Variants in PEX14 observed in about 807,000 individuals in gnomAD.
PEX14 encodes the protein peroxisomal membrane protein PEX14.
Under a neutral mutation model 49.5 loss-of-function variants are expected in PEX14, and 15 were observed. That is an observed-to-expected ratio of 0.30 (90% CI 0.20 to 0.47). PEX14 has a LOEUF of 0.47. Ranked by LOEUF, PEX14 falls within the 20% of genes least tolerant of loss-of-function variation. The pLI is 1.00. For synonymous variants in PEX14, 210 were observed against 212.7 expected (o/e 0.99, Z 0.11); for missense variants, 398 against 494.8 (o/e 0.80, Z 1.86).
At chr1:10,535,939 T>C (rs1570227537) in intron 2 of PEX14, 1 of 436,338 alleles carries the variant, frequency 2.3e-6, no homozygotes, top group Non-Finnish European at 4.3e-6. Flanking sequence ...TCAGCTCGAA[T>C]GGAGATCAGG....
At chr1:10,522,274 C>A (rs955288304) in intron 2 of PEX14, among the ~76,000 whole-genome samples, 2 of 152,218 alleles carry the variant, frequency 1.3e-5, no homozygotes, top group Non-Finnish European at 2.9e-5. Flanking sequence ...AGCAGTCTAT[C>A]CTGATTCCTC....
intron 7 of PEX14, among the ~76,000 whole-genome samples, chr1:10,625,518 A>G (rs138480880): frequency 7.2e-5 from 11 of 152,350 alleles, no homozygotes; most frequent in African/African-American, 2.2e-4. Flanking sequence ...TCTCTTGTGA[A>G]GAGGGTCCCA....
intron 3 of PEX14, among the ~76,000 whole-genome samples, chr1:10,563,209 C>T (rs1639703347): frequency 6.6e-6 from 1 of 150,456 alleles, no homozygotes; most frequent in Non-Finnish European, 1.5e-5. Context: ...AGCCACGGCG[C>T]CTGGCCGCTG....
At chr1:10,480,387 C>CT (rs34544712) in intron 1 of PEX14, among the ~76,000 whole-genome samples, 25,577 of 86,494 alleles carry the variant, frequency 0.3, 4,645 homozygotes, top group Non-Finnish European at 0.34. Flanking sequence ...GCCTGGCTAA[C>CT]TTTTTTTTTT....
rs1641930033 is a variant in PEX14 at position 10,514,106 on chromosome 1, A to G, written c.84+18785A>G. ...CCAAAAAAGAAAAAAAGAAGAAAGA[A>G]AAGAAGGAAATAGAAAAAAAGGAAA... On this transcript the variant is annotated intron_variant, in intron 2 of 8. Coordinates refer to ENST00000356607, the MANE Select transcript of PEX14 (RefSeq NM_004565.3). The surrounding 1 kb of genome is among the most constrained non-coding windows in gnomAD (Gnocchi z 4.4). Among the ~76,000 whole-genome samples the G allele has an allele frequency of 7.0e-6, 1 of 142,134 alleles. No homozygotes were observed. Among genetic ancestry groups the G allele is most frequent in the Non-Finnish European group, 1.5e-5 (1 of 65,456 alleles). 93.2% of individuals were successfully genotyped at this position (142,134 alleles called of 152,430 possible).
At position 10,536,365 on chromosome 1, in the gene PEX14, C is replaced by T. The variant is rs115344694; in HGVS notation, c.169+68C>T. 3,676 of 973,670 alleles carry T rather than the reference C, an allele frequency of 3.8e-3. 78 individuals carry two copies. The African/African-American group carries it at 0.05, about 13-fold the overall frequency. 60.3% of individuals were successfully genotyped at this position (973,670 alleles called of 1,614,324 possible). ...CTGGGGCTGGGGCAGATGGAAGCCA[C>T]GGTGCAAGGCAGGTGCTGAGCTGCC... On this transcript the variant is annotated intron_variant, in intron 3 of 8. Coordinates refer to ENST00000356607, the MANE Select transcript of PEX14 (RefSeq NM_004565.3).
rs1641294250 is a variant in PEX14 at position 10,482,261 on chromosome 1, T to C, written c.36+7259T>C. Among the ~76,000 whole-genome samples, 5 of 151,876 alleles carry C rather than the reference T, an allele frequency of 3.3e-5. No individual in the cohort carries two copies. In the South Asian group the frequency reaches 1.0e-3, roughly 32 times the overall value. On this transcript the variant is annotated intron_variant, in intron 1 of 8. Coordinates refer to ENST00000356607, the MANE Select transcript of PEX14 (RefSeq NM_004565.3). ...CTTCTGCCTCAGCCTCCTGAGTAAC[T>C]GGGATTATAGGCACTGGCCACCATG... is the stretch of plus-strand genomic sequence containing the variant.
chr1:10,475,772 G>T (rs1233390266), intron 1 of PEX14, among the ~76,000 whole-genome samples: 1 of 152,204 alleles, frequency 6.6e-6, no homozygotes, highest in African/African-American at 2.4e-5. Flanking sequence ...CCAAAGGTGG[G>T]GTAGGGTGGG....
intron 3 of PEX14, among the ~76,000 whole-genome samples, chr1:10,577,597 T>G (rs1640187193): frequency 2.6e-5 from 1 of 38,522 alleles, no homozygotes; most frequent in Non-Finnish European, 4.6e-5. Context: ...TTTTTTTTTT[T>G]TTTTTTTTTT....
At chr1:10,493,261 C>G (rs1641502495) in intron 1 of PEX14, among the ~76,000 whole-genome samples, 1 of 152,068 alleles carries the variant, frequency 6.6e-6, no homozygotes, top group Admixed American at 6.6e-5. Context: ...ATGGGACGAG[C>G]AGATTCTCCT....
At chr1:10,513,722 G>T (rs1367299089) in intron 2 of PEX14, among the ~76,000 whole-genome samples, 1 of 152,154 alleles carries the variant, frequency 6.6e-6, no homozygotes, top group African/African-American at 2.4e-5. Flanking sequence ...CTATTATATA[G>T]CCCTTAAAAG....
rs1313365528 is a variant in PEX14 at position 10,512,993 on chromosome 1, G to A, written c.84+17672G>A. ...ATTACAGGCGTAGGCCACCGTGCCC[G>A]GCCCTTTTCCTTCTTTTATAAAAGG... is the stretch of plus-strand genomic sequence containing the variant. On this transcript the variant is annotated intron_variant, in intron 2 of 8. Coordinates refer to ENST00000356607, the MANE Select transcript of PEX14 (RefSeq NM_004565.3). This position sits in a 1 kb window ranked among gnomAD's most constrained non-coding sequence, Gnocchi z 4.6. 6.6e-6 allele frequency among the ~76,000 whole-genome samples: 1 copy of A among 152,202 alleles called. No individual in the cohort carries two copies.
chr1:10,542,884 G>A (rs893830430), intron 3 of PEX14, among the ~76,000 whole-genome samples: 1 of 152,166 alleles, frequency 6.6e-6, no homozygotes, highest in Non-Finnish European at 1.5e-5. Context: ...ATTGTTGAAC[G>A]CGTGTTGGTT....
chr1:10,622,425 C>T (rs970846877), intron 5 of PEX14, among the ~76,000 whole-genome samples: 13 of 152,192 alleles, frequency 8.5e-5, no homozygotes, highest in African/African-American at 3.1e-4. Context: ...CTTCCAGCAG[C>T]CTCAGAGCGC....
At chr1:10,527,786 G>C (rs570256186) in intron 2 of PEX14, among the ~76,000 whole-genome samples, 14 of 151,988 alleles carry the variant, frequency 9.2e-5, no homozygotes, top group Admixed American at 9.2e-4. Context: ...TAATTCTCAT[G>C]CCTCAGCCAC....
At chr1:10,546,563 CAAAAAAAAAAA>C (rs35214823) in intron 3 of PEX14, among the ~76,000 whole-genome samples, 6 of 47,782 alleles carry the variant, frequency 1.3e-4, no homozygotes, top group African/African-American at 2.7e-4. Context: ...GACTCTGTTT[CAAAAAAAAAAA>C]AAAAAAAAAA....
At chr1:10,572,813 G>C (rs1640016497) in intron 3 of PEX14, among the ~76,000 whole-genome samples, 1 of 152,190 alleles carries the variant, frequency 6.6e-6, no homozygotes, top group Non-Finnish European at 1.5e-5. Flanking sequence ...TGGGATTACA[G>C]GCGTGAGCTA....
At chr1:10,477,421 T>C (rs1641215362) in intron 1 of PEX14, among the ~76,000 whole-genome samples, 2 of 152,186 alleles carry the variant, frequency 1.3e-5, no homozygotes, top group Admixed American at 1.3e-4. Flanking sequence ...AAGAAGCAAA[T>C]GCACGCTTTT....
chr1:10,599,469 C>T, intron 4 of PEX14, 103 bp downstream of exon 4: 1 of 1,336,136 alleles, frequency 7.5e-7, no homozygotes, highest in Non-Finnish European at 1.1e-6. Flanking sequence ...CCAGGAGAAA[C>T]TGGGAGCAGC....
Sources: allele counts gnomAD v4.1 joint callset (sites outside exome capture counted in the v4.1 genomes callset), GRCh38; gene constraint gnomAD v4.1.1; non-coding constraint Gnocchi (gnomAD v3.1); transcripts MANE v1.5; gene names NCBI Gene and HGNC (gene_info 2026-07-23, HGNC 2026-07-21).